MTSS1: variants seen among roughly 807,000 people sequenced by gnomAD.
The protein encoded by MTSS1 is MTSS I-BAR domain containing 1.
MTSS1 carries 18 observed loss-of-function variants against 79.0 expected under a neutral mutation model. The observed-to-expected ratio is 0.23, with a 90% confidence interval of 0.16 to 0.34. The LOEUF is 0.34. Ranked by LOEUF, MTSS1 falls within the 10% of genes least tolerant of loss-of-function variation. MTSS1 has a pLI of 1.00. For missense variants in MTSS1, 815 were observed against 986.2 expected (o/e 0.83, Z 2.33); for synonymous variants, 341 against 368.6 (o/e 0.93, Z 0.86).
intron 6 of MTSS1, chr8:124,568,845 G>A: frequency 7.0e-7 from 1 of 1,435,456 alleles, no homozygotes; most frequent in Non-Finnish European, 9.1e-7. Flanking sequence ...ACACAACCCT[G>A]GAACACAGAG....
chr8:124,680,402 G>A (rs573179722), intron 3 of MTSS1, among the ~76,000 whole-genome samples: 3 of 152,244 alleles, frequency 2.0e-5, no homozygotes, highest in Non-Finnish European at 4.4e-5. Flanking sequence ...AGCCAGAGCT[G>A]CTGCCTCTGC....
At chr8:124,649,183 T>C (rs887160725) in intron 3 of MTSS1, among the ~76,000 whole-genome samples, 1 of 152,264 alleles carries the variant, frequency 6.6e-6, no homozygotes, top group Admixed American at 6.5e-5. Context: ...GCCAGGGCCA[T>C]CTGTTTATCT....
intron 3 of MTSS1, among the ~76,000 whole-genome samples, chr8:124,644,215 T>C (rs1205421739): frequency 2.6e-5 from 4 of 152,208 alleles, no homozygotes; most frequent in Non-Finnish European, 5.9e-5. Flanking sequence ...TCAAACCACA[T>C]TGAAATGCAT....
chr8:124,711,554 G>A (rs184610924), intron 1 of MTSS1, among the ~76,000 whole-genome samples: 16 of 152,272 alleles, frequency 1.1e-4, no homozygotes, highest in African/African-American at 3.9e-4. Context: ...ACAGCAGGTT[G>A]GGTCGCGCTT....
chr8:124,668,493 C>T (rs1271157563), intron 3 of MTSS1, among the ~76,000 whole-genome samples: 1 of 152,160 alleles, frequency 6.6e-6, no homozygotes, highest in African/African-American at 2.4e-5. Context: ...GTGAACTCCT[C>T]CCTCCCTGTC....
At chr8:124,688,491 T>C (rs955791635) in intron 3 of MTSS1, among the ~76,000 whole-genome samples, 13 of 152,324 alleles carry the variant, frequency 8.5e-5, no homozygotes, top group Admixed American at 4.6e-4. Flanking sequence ...AAGAAGCTTA[T>C]GTCAAATGAA....
intron 3 of MTSS1, among the ~76,000 whole-genome samples, chr8:124,619,826 T>C (rs966501532): frequency 3.3e-5 from 5 of 152,212 alleles, no homozygotes; most frequent in African/African-American, 1.2e-4. Flanking sequence ...GTCCAACACA[T>C]TGCTGACGCT....
intron 3 of MTSS1, among the ~76,000 whole-genome samples, chr8:124,664,649 T>C (rs1822716603): frequency 6.6e-6 from 1 of 152,200 alleles, no homozygotes; most frequent in Admixed American, 6.5e-5. Context: ...CTCTTGTGTG[T>C]CAGGAGACCC....
intron 3 of MTSS1, among the ~76,000 whole-genome samples, chr8:124,650,715 C>T (rs7843950): frequency 0.091 from 13,849 of 152,166 alleles, 775 homozygotes; most frequent in African/African-American, 0.16. Flanking sequence ...GCTGGTTTTA[C>T]GGTTGGGGAA....
intron 3 of MTSS1, among the ~76,000 whole-genome samples, chr8:124,691,212 A>C (rs1161654959): frequency 4.4e-5 from 6 of 137,532 alleles, no homozygotes; most frequent in African/African-American, 1.6e-4. Context: ...GTACATTTAC[A>C]AACCCATTTA....
intron 3 of MTSS1, among the ~76,000 whole-genome samples, chr8:124,601,364 C>T (rs916911044): frequency 3.3e-5 from 5 of 151,990 alleles, no homozygotes; most frequent in Admixed American, 2.6e-4. Context: ...GCCCAGCCCC[C>T]TTGACTGTTA....
intron 12 of MTSS1, 163 bp from the exon 13 acceptor site, chr8:124,556,067 A>G: frequency 1.9e-6 from 3 of 1,542,656 alleles, no homozygotes; most frequent in Non-Finnish European, 1.7e-6. Context: ...TCATTCCCAC[A>G]CAAGGTTTTT....
At chr8:124,665,820 T>C (rs1241809057) in intron 3 of MTSS1, among the ~76,000 whole-genome samples, 2 of 150,876 alleles carry the variant, frequency 1.3e-5, no homozygotes, top group Admixed American at 1.3e-4. Context: ...TGAGCTGAGA[T>C]TGTGCCATTG....
chr8:124,722,893 A>C (rs1489989749), intron 1 of MTSS1, among the ~76,000 whole-genome samples: 1 of 152,190 alleles, frequency 6.6e-6, no homozygotes, highest in Non-Finnish European at 1.5e-5. Flanking sequence ...TCGAACATCT[A>C]AATGGTCTCA....
chr8:124,557,643 G>T, intron 11 of MTSS1, 38 bp downstream of exon 11: 1 of 1,517,230 alleles, frequency 6.6e-7, no homozygotes. Context: ...GAGCACAGAG[G>T]CAATGACGGG....
At chr8:124,607,146 C>T (rs867147598) in intron 3 of MTSS1, among the ~76,000 whole-genome samples, 4 of 152,208 alleles carry the variant, frequency 2.6e-5, no homozygotes, top group South Asian at 2.1e-4. Flanking sequence ...GTTCTACGCT[C>T]GTAATATTTG....
intron 5 of MTSS1, among the ~76,000 whole-genome samples, chr8:124,586,758 GC>G (rs1349429474): frequency 6.6e-6 from 1 of 152,196 alleles, no homozygotes; most frequent in East Asian, 1.9e-4. Context: ...AGGTATGCAG[GC>G]CGGACAATGG....
At chr8:124,694,961 GT>G (rs1038532604) in intron 3 of MTSS1, among the ~76,000 whole-genome samples, 2 of 151,960 alleles carry the variant, frequency 1.3e-5, no homozygotes, top group African/African-American at 4.8e-5. Flanking sequence ...TTCCATTATA[GT>G]TTAATTATTA....
chr8:124,557,555 T>G, intron 11 of MTSS1, 126 bp downstream of exon 11: 2 of 1,019,738 alleles, frequency 2.0e-6, no homozygotes, highest in Non-Finnish European at 2.8e-6. Context: ...GGAGAGGCAT[T>G]ATGGGGAAGA....
Sources: gnomAD v4.1 joint callset for allele counts (sites outside exome capture counted in the v4.1 genomes callset) on GRCh38, gnomAD v4.1.1 for gene constraint, MANE v1.5 for transcripts, NCBI Gene and HGNC (gene_info 2026-07-23, HGNC 2026-07-21) for gene names.